The following OTUD7A variants were observed in gnomAD, a reference collection of about 807,000 sequenced individuals.
OTUD7A encodes the protein OTU deubiquitinase 7A.
OTUD7A carries 12 observed loss-of-function variants against 65.7 expected under a neutral mutation model. The observed-to-expected ratio is 0.18, with a 90% CI of 0.12 to 0.30. OTUD7A has a LOEUF of 0.30. Ranked by LOEUF, OTUD7A falls within the 10% of genes least tolerant of loss-of-function variation. The probability of loss-of-function intolerance (pLI) is 1.00; values close to 1 mark genes in which losing one functional copy is unlikely to be tolerated. For missense variants in OTUD7A, 1,148 were observed against 1,304.8 expected (o/e 0.88, Z 1.85); for synonymous variants, 641 against 586.3 (o/e 1.09, Z -1.35).
chr15:31,599,606 G>T (rs181488685), intron 3 of OTUD7A, among the ~76,000 whole-genome samples: 28 of 152,202 alleles, frequency 1.8e-4, no homozygotes, highest in African/African-American at 6.0e-4. Context: ...ACAACTCCTC[G>T]CCAGCAAGGG....
At chr15:31,549,416 T>G (rs899136753) in intron 5 of OTUD7A, among the ~76,000 whole-genome samples, 4 of 152,202 alleles carry the variant, frequency 2.6e-5, no homozygotes, top group African/African-American at 9.6e-5. Context: ...TGTACTCCTG[T>G]GTCATCCCTT....
At chr15:31,761,480 T>G (rs1395343728) in intron 1 of OTUD7A, among the ~76,000 whole-genome samples, 2 of 152,150 alleles carry the variant, frequency 1.3e-5, no homozygotes, top group African/African-American at 4.8e-5. Context: ...AAATATAACT[T>G]CACACCCACT....
chr15:31,619,567 C>T (rs868005560), intron 3 of OTUD7A, among the ~76,000 whole-genome samples: 38 of 149,620 alleles, frequency 2.5e-4, no homozygotes, highest in Admixed American at 1.9e-3. Flanking sequence ...ATTTGGCTCT[C>T]TGTCTGTTAT....
At chr15:31,780,828 T>C (rs1434590887) in intron 1 of OTUD7A, among the ~76,000 whole-genome samples, 2 of 152,220 alleles carry the variant, frequency 1.3e-5, no homozygotes, top group African/African-American at 4.8e-5. Context: ...CTGGAGACGC[T>C]AGCCACTGCC....
In OTUD7A at chr15:31,753,684, GAGATATATATATATATATTATAT is replaced by G. The variant is rs1358378937; in HGVS notation, c.-99-96630_-99-96608del. On this transcript the variant is annotated intron_variant, in intron 1 of 12. Coordinates refer to ENST00000307050, the MANE Select transcript of OTUD7A (RefSeq NM_001382637.1). ...CATCATATATATATATATAACCTGT[GAGATATATATATATATATTATAT>G]ATATATATATATATTATATATATAT... 7.4e-4 allele frequency among the ~76,000 whole-genome samples: 45 copies of G among 61,172 alleles called. 2 individuals are homozygous for G. Among genetic ancestry groups the G allele is most frequent in the African/African-American group, 3.1e-3 (39 of 12,618 alleles). 40.1% of individuals were successfully genotyped at this position (61,172 alleles called of 152,430 possible). A position where few individuals can be genotyped will look rare whatever the true frequency, so the allele number is the denominator to read the frequency against.
intron 3 of OTUD7A, among the ~76,000 whole-genome samples, chr15:31,632,427 G>T (rs1246704858): frequency 6.6e-6 from 1 of 152,236 alleles, no homozygotes; most frequent in Non-Finnish European, 1.5e-5. Flanking sequence ...AGCGGTGGCT[G>T]TAGAACAGCA....
At chr15:31,801,053 C>CAAAAAAAAAAAAA in intron 1 of OTUD7A, among the ~76,000 whole-genome samples, 1 of 91,352 alleles carries the variant, frequency 1.1e-5, no homozygotes, top group Non-Finnish European at 2.3e-5. Context: ...CCAGCAGCCT[C>CAAAAAAAAAAAAA]AAAAAAAAAA....
At chr15:31,528,714 C>T (rs1244841022) in intron 6 of OTUD7A, among the ~76,000 whole-genome samples, 3 of 152,270 alleles carry the variant, frequency 2.0e-5, no homozygotes, top group Non-Finnish European at 4.4e-5. Context: ...TATCTGCCTA[C>T]AGGCCTGACT....
At position 31,747,828 on chromosome 15, in the gene OTUD7A, A is replaced by G. The variant is rs374454155; in HGVS notation, c.-99-90751T>C. Among the ~76,000 whole-genome samples the G allele has an allele frequency of 3.2e-4, 49 of 152,348 alleles. No individual in the cohort carries two copies. In the South Asian group the frequency reaches 9.3e-3, roughly 29 times the overall value. ...AAATTAACATAACCAGTAATGGGAC[A>G]AATCAACACCATACGCCTTTTTGAT... On this transcript the variant is annotated intron_variant, in intron 1 of 12. Coordinates refer to ENST00000307050, the MANE Select transcript of OTUD7A (RefSeq NM_001382637.1).
intron 8 of OTUD7A, among the ~76,000 whole-genome samples, chr15:31,504,231 G>C (rs564401609): frequency 6.6e-6 from 1 of 152,140 alleles, no homozygotes; most frequent in African/African-American, 2.4e-5. Flanking sequence ...GGACCCAGGG[G>C]TTCCCTGGGC....
At chr15:31,579,577 A>C (rs557933759) in intron 3 of OTUD7A, among the ~76,000 whole-genome samples, 1 of 152,330 alleles carries the variant, frequency 6.6e-6, no homozygotes, top group Admixed American at 6.5e-5. Flanking sequence ...GCATGATTTA[A>C]AACTTATGAT....
Position 31,647,202 on chromosome 15 carries a change from C to T in OTUD7A, c.151+7894G>A, listed in dbSNP as rs377556566. Among the ~76,000 whole-genome samples, 3 of 152,262 alleles carry T rather than the reference C, an allele frequency of 2.0e-5. No individual in the cohort carries two copies. In the East Asian group the frequency reaches 5.8e-4, roughly 29 times the overall value. On this transcript the variant is annotated intron_variant, in intron 3 of 12. Coordinates refer to ENST00000307050, the MANE Select transcript of OTUD7A (RefSeq NM_001382637.1). The stretch of plus-strand genomic sequence containing the variant: ...GCCAAGGGCCATCACACCTTGTGGT[C>T]GAGTGTTAACTCCTGCTTAGGATTC...
intron 8 of OTUD7A, among the ~76,000 whole-genome samples, chr15:31,513,654 T>A (rs2041796148): frequency 6.6e-6 from 1 of 152,240 alleles, no homozygotes; most frequent in African/African-American, 2.4e-5. Context: ...TCAAGCTGAG[T>A]CCTTCTTGTG....
At chr15:31,620,156 G>A (rs1890731930) in intron 3 of OTUD7A, among the ~76,000 whole-genome samples, 1 of 152,176 alleles carries the variant, frequency 6.6e-6, no homozygotes, top group Non-Finnish European at 1.5e-5. Flanking sequence ...AGGTGCTGCT[G>A]GATTCGGTCT....
chr15:31,826,389 C>T (rs368361267), intron 1 of OTUD7A, among the ~76,000 whole-genome samples: 2 of 152,232 alleles, frequency 1.3e-5, no homozygotes, highest in East Asian at 3.8e-4. Context: ...CAGAGCTCTG[C>T]GTTGGCCCCT....
At position 31,839,080 on chromosome 15, in the gene OTUD7A, T is replaced by C. The variant is rs553617466; in HGVS notation, c.-100+31427A>G. ...CATGGCACTCCATAGGGACAGCTGG[T>C]GGGAGAACCAGCAGAGTGGCTGGCC... On this transcript the variant is annotated intron_variant, in intron 1 of 12. Transcript: ENST00000307050. 4.6e-5 allele frequency among the ~76,000 whole-genome samples: 7 copies of C among 152,290 alleles called. No homozygotes were observed. In the East Asian group the frequency reaches 1.4e-3, roughly 29 times the overall value.
At chr15:31,788,830 G>A (rs1179426985) in intron 1 of OTUD7A, among the ~76,000 whole-genome samples, 1 of 152,214 alleles carries the variant, frequency 6.6e-6, no homozygotes, top group Non-Finnish European at 1.5e-5. Flanking sequence ...AGTTTAGAAA[G>A]AGCTTACTCA....
chr15:31,654,882 T>C lies in OTUD7A; in HGVS notation c.151+214A>G, dbSNP rs374110144. Among the ~76,000 whole-genome samples the C allele has an allele frequency of 3.3e-4, 50 of 152,316 alleles. No homozygotes were observed. The South Asian group carries it at 9.5e-3, about 29-fold the overall frequency. Reference sequence around the variant, plus strand: ...AAACTAAGGCCTACCACAAAAGTATTTTCTTGAATGTTTTATAATTTCTGC... The same window carrying C: ...AAACTAAGGCCTACCACAAAAGTATCTTCTTGAATGTTTTATAATTTCTGC... On this transcript the variant is annotated intron_variant, in intron 3 of 12. Coordinates refer to ENST00000307050, the MANE Select transcript of OTUD7A (RefSeq NM_001382637.1).
chr15:31,847,016 A>G (rs903639720), intron 1 of OTUD7A, among the ~76,000 whole-genome samples: 1 of 152,166 alleles, frequency 6.6e-6, no homozygotes, highest in African/African-American at 2.4e-5. Context: ...TAGGCAGGGC[A>G]GGGAAGGACA....
Sources: allele counts gnomAD v4.1 joint callset (sites outside exome capture counted in the v4.1 genomes callset), GRCh38; gene constraint gnomAD v4.1.1; transcripts MANE v1.5; gene names NCBI Gene and HGNC (gene_info 2026-07-23, HGNC 2026-07-21).